LARGE1: variants seen among roughly 807,000 people sequenced by gnomAD.
LARGE1 encodes LARGE xylosyl- and glucuronyltransferase 1, also known as xylosyl- and glucuronyltransferase LARGE1.
Under a neutral mutation model 87.6 loss-of-function variants are expected in LARGE1, and 43 were observed. The observed-to-expected ratio is 0.49, with a 90% confidence interval of 0.38 to 0.63. LARGE1 has a LOEUF of 0.63. Ranked by LOEUF, LARGE1 falls within the 30% of genes least tolerant of loss-of-function variation. The pLI, the probability that LARGE1 is intolerant of heterozygous loss-of-function variation, is 0.00. For missense variants in LARGE1, 802 were observed against 1,000.2 expected (o/e 0.80, Z 2.67); for synonymous variants, 434 against 394.6 (o/e 1.10, Z -1.18).
At chr22:33,489,492 T>A (rs2069730456) in intron 6 of LARGE1, among the ~76,000 whole-genome samples, 1 of 152,188 alleles carries the variant, frequency 6.6e-6, no homozygotes. Context: ...AGGGACCCAG[T>A]AGGAGATAAC....
the LARGE1 span, among the ~76,000 whole-genome samples, chr22:33,147,304 T>TA: frequency 6.6e-6 from 1 of 152,214 alleles, no homozygotes; most frequent in Non-Finnish European, 1.5e-5. Flanking sequence ...GATGTATGTT[T>TA]AAAAATTAGT....
chr22:33,816,725 C>A (rs1050809054), intron 1 of LARGE1, among the ~76,000 whole-genome samples: 1 of 149,970 alleles, frequency 6.7e-6, no homozygotes, highest in Non-Finnish European at 1.5e-5. Context: ...GACAGACAGA[C>A]AGACAGACAG....
chr22:33,093,924 G>A, the LARGE1 span, among the ~76,000 whole-genome samples: 2 of 147,010 alleles, frequency 1.4e-5, no homozygotes, highest in Non-Finnish European at 3.0e-5. Flanking sequence ...TGCCTCCTGG[G>A]TTCAAGCCAT....
chr22:33,511,890 C>A (rs1486644052), intron 6 of LARGE1, among the ~76,000 whole-genome samples: 1 of 152,230 alleles, frequency 6.6e-6, no homozygotes, highest in Non-Finnish European at 1.5e-5. Flanking sequence ...ATGGCTAACT[C>A]CCCTACAAGT....
At chr22:33,180,868 T>C (rs1923123403) in intron 11 of LARGE1, among the ~76,000 whole-genome samples, 1 of 152,164 alleles carries the variant, frequency 6.6e-6, no homozygotes, top group African/African-American at 2.4e-5. Context: ...ATACCAAGAA[T>C]AGGCAAATCG....
At chr22:33,898,497 A>G (rs1038998105) in intron 1 of LARGE1, among the ~76,000 whole-genome samples, 2 of 152,262 alleles carry the variant, frequency 1.3e-5, no homozygotes, top group Non-Finnish European at 2.9e-5. Flanking sequence ...CTCAACGTCT[A>G]TAATCCCAGC....
At chr22:33,395,055 C>T (rs530121020) in intron 7 of LARGE1, among the ~76,000 whole-genome samples, 73 of 151,886 alleles carry the variant, frequency 4.8e-4, no homozygotes, top group African/African-American at 1.4e-3. Context: ...GGTGAAACCC[C>T]GTCTCTACTA....
rs77292312 is a variant in LARGE1, at chr22:33,558,822, A to G, written c.787+6026T>C. On this transcript the variant is annotated intron_variant, in intron 6 of 14. Transcript: ENST00000397394. ...ATGTTCAGCTTTTCTACATTATTGT[A>G]CAGCCCCAATGGCTCTGTGGACAGA... Among the ~76,000 whole-genome samples, 1,431 of 152,364 alleles carry G rather than the reference A, an allele frequency of 9.4e-3. 22 individuals carry two copies. Among genetic ancestry groups the G allele is most frequent in the African/African-American group, 0.033 (1,377 of 41,588 alleles).
chr22:33,843,036 G>A (rs923649207), intron 1 of LARGE1, among the ~76,000 whole-genome samples: 3 of 152,120 alleles, frequency 2.0e-5, no homozygotes, highest in Admixed American at 1.3e-4. Context: ...TTGTTCACGT[G>A]GCCCTGGATT....
At chr22:33,575,342 A>T (rs1268297152) in intron 5 of LARGE1, among the ~76,000 whole-genome samples, 1 of 152,196 alleles carries the variant, frequency 6.6e-6, no homozygotes, top group Non-Finnish European at 1.5e-5. Flanking sequence ...AAATATTAAT[A>T]AAAGGAAGTG....
At chr22:33,657,421 T>A (rs1394218289) in intron 2 of LARGE1, among the ~76,000 whole-genome samples, 1 of 152,112 alleles carries the variant, frequency 6.6e-6, no homozygotes, top group Non-Finnish European at 1.5e-5. Flanking sequence ...AAAACAGGGG[T>A]CATCAAACTT....
intron 1 of LARGE1, among the ~76,000 whole-genome samples, chr22:33,895,578 T>C (rs2065120291): frequency 6.6e-6 from 1 of 152,204 alleles, no homozygotes; most frequent in African/African-American, 2.4e-5. Context: ...ATTCATTTCC[T>C]TGTGCCTGAG....
At chr22:33,907,820 A>G (rs2065501348) in intron 1 of LARGE1, among the ~76,000 whole-genome samples, 1 of 152,080 alleles carries the variant, frequency 6.6e-6, no homozygotes, top group Non-Finnish European at 1.5e-5. Context: ...GATGGTCTCA[A>G]TCTCCTGACC....
At chr22:33,470,944 T>C (rs1389972808) in intron 6 of LARGE1, among the ~76,000 whole-genome samples, 3 of 152,172 alleles carry the variant, frequency 2.0e-5, no homozygotes, top group Admixed American at 6.5e-5. Context: ...AAGTTGGTTG[T>C]TGTGAGGACC....
At chr22:33,307,914 T>A (rs1208976541) in intron 11 of LARGE1, among the ~76,000 whole-genome samples, 2 of 152,078 alleles carry the variant, frequency 1.3e-5, no homozygotes, top group Non-Finnish European at 2.9e-5. Flanking sequence ...CAGTTCTTGC[T>A]GATGCCAAGC....
chr22:33,552,485 G>A (rs2077558342), intron 6 of LARGE1, among the ~76,000 whole-genome samples: 1 of 152,086 alleles, frequency 6.6e-6, no homozygotes, highest in Non-Finnish European at 1.5e-5. Flanking sequence ...AATAGCAATG[G>A]TGCAGATGCT....
intron 6 of LARGE1, among the ~76,000 whole-genome samples, chr22:33,469,742 T>A (rs2068752586): frequency 6.6e-6 from 1 of 151,520 alleles, no homozygotes; most frequent in African/African-American, 2.4e-5. Context: ...GCAGGGGAAT[T>A]GCTTGAGCCT....
At chr22:33,371,160 T>G (rs1419979234) in intron 9 of LARGE1, among the ~76,000 whole-genome samples, 2 of 151,376 alleles carry the variant, frequency 1.3e-5, no homozygotes, top group African/African-American at 4.8e-5. Flanking sequence ...TGTGGAATAG[T>G]TGGCCAAAAA....
At chr22:33,092,635 C>G in the LARGE1 span, among the ~76,000 whole-genome samples, 1 of 151,772 alleles carries the variant, frequency 6.6e-6, no homozygotes, top group Non-Finnish European at 1.5e-5. Flanking sequence ...CACCCCACCC[C>G]ACAAGAGGCC....
Sources: allele counts gnomAD v4.1 joint callset (sites outside exome capture counted in the v4.1 genomes callset), GRCh38; gene constraint gnomAD v4.1.1; transcripts MANE v1.5; gene names NCBI Gene and HGNC (gene_info 2026-07-23, HGNC 2026-07-21).